Variants in DENND1A observed in about 807,000 individuals in gnomAD.
The protein encoded by DENND1A is DENN domain-containing protein 1A.
DENND1A carries 51 observed loss-of-function variants against 113.7 expected under a neutral mutation model. The observed-to-expected ratio is 0.45, with a 90% confidence interval of 0.36 to 0.57. The LOEUF is 0.57. Among genes scored for constraint, DENND1A ranks in the 20% least tolerant of loss-of-function variants. The pLI is 0.00. For synonymous variants in DENND1A, 565 were observed against 570.8 expected, an observed-to-expected ratio of 0.99 and a Z score of 0.14; for missense variants, 1,258 against 1,395.9, an observed-to-expected ratio of 0.90 and a Z score of 1.57.
chr9:123,388,844 C>T (rs2042698160), intron 21 of DENND1A, among the ~76,000 whole-genome samples: 1 of 152,180 alleles, frequency 6.6e-6, no homozygotes. Context: ...TGTCTCTGTG[C>T]ACCCCACCAA....
intron 19 of DENND1A, among the ~76,000 whole-genome samples, chr9:123,436,967 C>A (rs1381439535): frequency 1.3e-5 from 2 of 152,090 alleles, no homozygotes; most frequent in African/African-American, 4.8e-5. Flanking sequence ...AGGCTACTGA[C>A]AAAAGCATCT....
At chr9:123,913,113 T>TA (rs915063969) in intron 1 of DENND1A, among the ~76,000 whole-genome samples, 7,545 of 86,060 alleles carry the variant, frequency 0.088, 260 homozygotes, top group Non-Finnish European at 0.1. Flanking sequence ...AAAGACAGTT[T>TA]AAAAAAAAAA....
At chr9:123,580,898 C>T (rs2058857476) in intron 12 of DENND1A, among the ~76,000 whole-genome samples, 1 of 152,182 alleles carries the variant, frequency 6.6e-6, no homozygotes, top group African/African-American at 2.4e-5. Flanking sequence ...AGAAGCAGCA[C>T]AGACTGGGGG....
chr9:123,675,732 G>C (rs919358260), intron 6 of DENND1A, among the ~76,000 whole-genome samples: 12 of 152,218 alleles, frequency 7.9e-5, no homozygotes, highest in Admixed American at 6.5e-4. Flanking sequence ...TGATCCTGAT[G>C]AGAGTATCGT....
intron 3 of DENND1A, among the ~76,000 whole-genome samples, chr9:123,782,043 C>G (rs1831397349): frequency 6.6e-6 from 1 of 151,678 alleles, no homozygotes; most frequent in Non-Finnish European, 1.5e-5. Context: ...GTACATTAGC[C>G]TGGGTGACTG....
At chr9:123,744,820 G>C in intron 5 of DENND1A, among the ~76,000 whole-genome samples, 1 of 137,756 alleles carries the variant, frequency 7.3e-6, no homozygotes, top group Non-Finnish European at 1.5e-5. Flanking sequence ...CTATTGCCCA[G>C]GCTGGAGTGC....
intron 1 of DENND1A, among the ~76,000 whole-genome samples, chr9:123,879,976 C>G (rs1427459252): frequency 6.6e-6 from 1 of 152,174 alleles, no homozygotes; most frequent in Non-Finnish European, 1.5e-5. Context: ...TTATTATACT[C>G]TTACTTGTTT....
chr9:123,884,990 C>T (rs972841012), intron 1 of DENND1A, among the ~76,000 whole-genome samples: 17 of 126,858 alleles, frequency 1.3e-4, no homozygotes, highest in Non-Finnish European at 2.6e-4. Context: ...GACCTGCGAG[C>T]GCGCGCGCAC....
At chr9:123,525,348 A>G (rs1051306728) in intron 13 of DENND1A, among the ~76,000 whole-genome samples, 1 of 152,212 alleles carries the variant, frequency 6.6e-6, no homozygotes, top group Non-Finnish European at 1.5e-5. Flanking sequence ...AAGTGGGAAG[A>G]TGACTACAAG....
chr9:123,707,633 A>C (rs911275317), intron 5 of DENND1A, among the ~76,000 whole-genome samples: 1 of 152,202 alleles, frequency 6.6e-6, no homozygotes, highest in Admixed American at 6.5e-5. Flanking sequence ...AGAATTAATC[A>C]CATTTTTGGT....
chr9:123,449,331 T>G (rs912869724), intron 18 of DENND1A, among the ~76,000 whole-genome samples: 1 of 152,084 alleles, frequency 6.6e-6, no homozygotes, highest in Non-Finnish European at 1.5e-5. Context: ...GGTCAGGAGA[T>G]CGAGACCATC....
At chr9:123,802,664 T>G (rs1834873905) in intron 2 of DENND1A, among the ~76,000 whole-genome samples, 1 of 151,952 alleles carries the variant, frequency 6.6e-6, no homozygotes, top group African/African-American at 2.4e-5. Context: ...CCTTCTTCTA[T>G]TCCACAGGGG....
At chr9:123,447,931 A>G (rs1007251407) in intron 18 of DENND1A, among the ~76,000 whole-genome samples, 5 of 152,228 alleles carry the variant, frequency 3.3e-5, no homozygotes, top group Non-Finnish European at 5.9e-5. Context: ...TAGAGTTTCA[A>G]TTACAAAATA....
chr9:123,901,422 T>G (rs1227079567), intron 1 of DENND1A, among the ~76,000 whole-genome samples: 2 of 152,190 alleles, frequency 1.3e-5, no homozygotes, highest in Non-Finnish European at 2.9e-5. Flanking sequence ...TTTCTTTCAT[T>G]CCCACTATCA....
chr9:123,843,353 G>T, intron 2 of DENND1A: 10 of 332,234 alleles, frequency 3.0e-5, no homozygotes, highest in South Asian at 1.1e-4. Flanking sequence ...TAAAAGAGTT[G>T]GTGTTGGAAA....
intron 8 of DENND1A, among the ~76,000 whole-genome samples, chr9:123,659,280 T>C (rs568214762): frequency 9.2e-5 from 14 of 152,316 alleles, no homozygotes; most frequent in Admixed American, 1.3e-4. Flanking sequence ...TCAATAAATA[T>C]TTACAAACCA....
At chr9:123,491,406 T>A (rs1259761571) in intron 13 of DENND1A, among the ~76,000 whole-genome samples, 1 of 152,232 alleles carries the variant, frequency 6.6e-6, no homozygotes, top group East Asian at 1.9e-4. Context: ...GGTAGTCTTC[T>A]GGGAGGTCAA....
chr9:123,507,744 T>C (rs1249926610), intron 13 of DENND1A, among the ~76,000 whole-genome samples: 1 of 150,382 alleles, frequency 6.6e-6, no homozygotes, highest in Non-Finnish European at 1.5e-5. Context: ...AGCCCTCAGC[T>C]ACTTGGGGGG....
intron 11 of DENND1A, among the ~76,000 whole-genome samples, chr9:123,600,101 C>T (rs949545938): frequency 3.9e-5 from 6 of 152,136 alleles, no homozygotes; most frequent in South Asian, 4.1e-4. Context: ...AACAGTCTCA[C>T]GTGGCCGGGC....
Sources: gnomAD v4.1 joint callset for allele counts (sites outside exome capture counted in the v4.1 genomes callset) on GRCh38, gnomAD v4.1.1 for gene constraint, MANE v1.5 for transcripts, NCBI Gene and HGNC (gene_info 2026-07-23, HGNC 2026-07-21) for gene names.